SCN1A: variants seen among roughly 807,000 people sequenced by gnomAD.
The protein encoded by SCN1A is sodium channel protein type 1 subunit alpha.
In SCN1A, 13 loss-of-function variants were observed where a neutral mutation model predicts 193.7. The observed-to-expected ratio is 0.07, with a 90% CI of 0.04 to 0.11. SCN1A has a LOEUF of 0.11. SCN1A is among the 10% of genes least tolerant of loss of function. The pLI is 1.00. For missense variants in SCN1A, 1,432 were observed against 2,451.1 expected, an observed-to-expected ratio of 0.58 and a Z score of 8.78; for synonymous variants, 781 against 843.6, an observed-to-expected ratio of 0.93 and a Z score of 1.29.
chr2:166,002,603 A>G lies in SCN1A; in HGVS notation c.4153T>C (p.Phe1385Leu), dbSNP rs571939913. Residue 1385 changes from phenylalanine (F) to leucine (L), a missense_variant, in exon 24 of 29, where the codon TTT becomes CTT. Phe to Leu is a conservative substitution (Grantham distance 22). Around this residue, in one of 18 missense-constraint regions of SCN1A, gnomAD observed 107 missense variants for 259.4 expected, o/e 0.41. Coordinates refer to ENST00000674923, the MANE Select transcript of SCN1A (RefSeq NM_001165963.4). ...HCINTTTGDR[F>L]DIEDVNNHTD... ...TGATTATTCACGTCTTCGATGTCAA[A>G]CCTGTCACCAGTTGTGGTGTTAATA... 1 of 1,611,994 alleles carries G rather than the reference A, an allele frequency of 6.2e-7. No individual in the cohort carries two copies. Among genetic ancestry groups the G allele is most frequent in the South Asian group, 1.1e-5 (1 of 91,030 alleles).
At chr2:166,124,708 G>C (rs1026332076) in intron 2 of SCN1A, among the ~76,000 whole-genome samples, 2 of 152,184 alleles carry the variant, frequency 1.3e-5, no homozygotes, top group Non-Finnish European at 2.9e-5. Context: ...CTAAGCTGTA[G>C]CTCTACCATC....
chr2:166,002,556 T>C lies in SCN1A; in HGVS notation c.4200A>G (p.Ile1400Met). Residue 1400 changes from isoleucine (I) to methionine (M), a missense_variant, in exon 24 of 29, where the codon ATA becomes ATG. Transcript: ENST00000674923. ...VNNHTDCLKL[I>M]ERNETARWKN... is the part of the protein sequence containing the mutation. ...TCCATCGAGCAGTCTCATTTCTTTC[T>C]ATTAGTTTTAGGCAATCAGTATGAT... 6.2e-7 allele frequency: 1 copy of C among 1,611,934 alleles called. No homozygotes were observed. The highest frequency in any genetic ancestry group is 1.3e-5 in the African/African-American group (1 of 74,864).
chr2:166,144,387 G>A (rs1023868284), intron 1 of SCN1A, among the ~76,000 whole-genome samples: 3 of 152,130 alleles, frequency 2.0e-5, no homozygotes, highest in Non-Finnish European at 4.4e-5. Context: ...TCAATCTCAT[G>A]TTTGAATTAT....
At chr2:166,143,927 AT>A (rs1692199278) in intron 1 of SCN1A, among the ~76,000 whole-genome samples, 2 of 152,334 alleles carry the variant, frequency 1.3e-5, no homozygotes, top group South Asian at 4.1e-4. Context: ...GTGACATTGT[AT>A]TTTAAAGGAG....
intron 2 of SCN1A, among the ~76,000 whole-genome samples, chr2:166,125,658 T>G (rs1691159819): frequency 6.6e-6 from 1 of 152,158 alleles, no homozygotes; most frequent in African/African-American, 2.4e-5. Context: ...GTGATAGAGT[T>G]TACTTTGGGT....
intron 2 of SCN1A, among the ~76,000 whole-genome samples, chr2:166,113,613 T>G (rs1282274792): frequency 6.6e-6 from 1 of 152,142 alleles, no homozygotes; most frequent in Non-Finnish European, 1.5e-5. Flanking sequence ...ACTTTTAAAG[T>G]TTTGAAATTG....
At chr2:166,000,575 G>A (rs996779527) in intron 24 of SCN1A, among the ~76,000 whole-genome samples, 8 of 151,708 alleles carry the variant, frequency 5.3e-5, no homozygotes, top group South Asian at 2.1e-4. Context: ...AGCCTTTAGC[G>A]TCTGTATCAC....
rs953201918 is a variant in SCN1A at position 166,049,795 on chromosome 2, C to G, written c.965-846G>C. Among the ~76,000 whole-genome samples, 133 of 152,006 alleles carry G rather than the reference C, an allele frequency of 8.7e-4. 2 individuals carry two copies. Among genetic ancestry groups the G allele is most frequent in the African/African-American group, 3.1e-3 (128 of 41,508 alleles). On this transcript the variant is annotated intron_variant, in intron 9 of 28. Transcript: ENST00000674923. Reference sequence around the variant, plus strand: ...CTACTATATTGTAATTATTTATTTACAAATATTCCTCCTAGAAAGTCCCAA... The same window carrying G: ...CTACTATATTGTAATTATTTATTTAGAAATATTCCTCCTAGAAAGTCCCAA...
At chr2:166,089,712 G>A (rs998029790) in intron 2 of SCN1A, among the ~76,000 whole-genome samples, 3 of 152,054 alleles carry the variant, frequency 2.0e-5, no homozygotes, top group Non-Finnish European at 4.4e-5. Flanking sequence ...TGGAATGGGG[G>A]TAGAGAGTGT....
chr2:166,073,521 G>C lies in SCN1A; in HGVS notation c.101C>G (p.Ala34Gly), dbSNP rs1559284943. 1 of 1,614,074 alleles carries C rather than the reference G, an allele frequency of 6.2e-7. No individual in the cohort carries two copies. The highest frequency in any genetic ancestry group is 8.5e-7 in the Non-Finnish European group (1 of 1,180,008). The part of the protein sequence containing the change: ...AIERRIAEEK[A>G]KNPKPDKKDD... ...TTTTTTGTCTGGTTTGGGATTCTTT[G>C]CCTTTTCTTCTGCAATGCGTCTTTC... Residue 34 changes from alanine to glycine, a missense_variant, in exon 4 of 29, where the codon GCA (alanine) becomes GGA (glycine). This residue lies in a region of SCN1A where 55 missense variants were observed against 58.4 expected (regional missense o/e 0.94). Coordinates refer to ENST00000674923, the MANE Select transcript of SCN1A (RefSeq NM_001165963.4).
intron 6 of SCN1A, among the ~76,000 whole-genome samples, chr2:166,055,841 A>C (rs1406666299): frequency 1.3e-5 from 2 of 151,994 alleles, no homozygotes; most frequent in Admixed American, 1.3e-4. Flanking sequence ...GGTTTCTGAA[A>C]GCTCTACAAA....
At chr2:165,994,070 G>C (rs1689658949) in intron 28 of SCN1A, 76 bp downstream of exon 28, 1 of 1,139,498 alleles carries the variant, frequency 8.8e-7, no homozygotes, top group Non-Finnish European at 1.3e-6. Flanking sequence ...TTGCTGGGAT[G>C]ATCTTGAATC....
intron 13 of SCN1A, among the ~76,000 whole-genome samples, chr2:166,044,642 T>C (rs1316988250): frequency 6.6e-6 from 1 of 152,058 alleles, no homozygotes; most frequent in Non-Finnish European, 1.5e-5. Context: ...TGGTGACTTA[T>C]AAAGAAGTTA....
At chr2:166,142,728 C>T (rs575512676) in intron 1 of SCN1A, among the ~76,000 whole-genome samples, 3 of 152,256 alleles carry the variant, frequency 2.0e-5, no homozygotes, top group African/African-American at 4.8e-5. Context: ...ATGGTTTGGC[C>T]GTGTCCCCAC....
At chr2:166,073,703 G>T in intron 3 of SCN1A, 33 bp from the exon 4 acceptor site, 1 of 1,450,736 alleles carries the variant, frequency 6.9e-7, no homozygotes, top group Non-Finnish European at 9.5e-7. Context: ...ATTTTAAAGA[G>T]TGGACTAAGA....
intron 1 of SCN1A, among the ~76,000 whole-genome samples, chr2:166,135,726 G>T (rs1473072184): frequency 3.9e-5 from 6 of 152,184 alleles, no homozygotes; most frequent in African/African-American, 1.4e-4. Context: ...GAAGAGATTG[G>T]CAAGTGACTA....
intron 2 of SCN1A, among the ~76,000 whole-genome samples, chr2:166,079,644 T>C (rs1277744163): frequency 6.6e-6 from 1 of 150,918 alleles, no homozygotes; most frequent in Non-Finnish European, 1.5e-5. Flanking sequence ...CTAAAAGCCT[T>C]CCTATTCTCC....
chr2:165,993,346 A>G (rs1367363121), intron 28 of SCN1A: 1 of 152,122 alleles, frequency 6.6e-6, no homozygotes, highest in East Asian at 1.9e-4. Context: ...CAGTTTCTTC[A>G]GAGAGGGGAG....
chr2:166,078,839 G>A (rs1055436029), intron 2 of SCN1A, among the ~76,000 whole-genome samples: 1 of 151,520 alleles, frequency 6.6e-6, no homozygotes, highest in African/African-American at 2.4e-5. Flanking sequence ...TTCTTAAAAT[G>A]AATTTTGGTT....
Sources: allele counts gnomAD v4.1 joint callset (sites outside exome capture counted in the v4.1 genomes callset), GRCh38; gene constraint gnomAD v4.1.1; regional missense constraint gnomAD v4.1.1; transcripts MANE v1.5; gene names NCBI Gene and HGNC (gene_info 2026-07-23, HGNC 2026-07-21).